Variants in SRPX2 observed in about 807,000 individuals in gnomAD.
SRPX2 encodes sushi repeat containing protein X-linked 2, also known as sushi repeat-containing protein SRPX2.
A neutral mutation model predicts 45.3 loss-of-function variants in SRPX2; 26 were observed. The observed-to-expected ratio is 0.57, with a 90% CI of 0.42 to 0.80. The LOEUF is 0.80. SRPX2 is among the 30% of genes least tolerant of loss of function. The pLI, the probability that SRPX2 is intolerant of heterozygous loss-of-function variation, is 0.00. For synonymous variants in SRPX2, 125 were observed against 143.7 expected (o/e 0.87, Z 0.93); for missense variants, 355 against 399.8 (o/e 0.89, Z 0.95).
At chrX:100,669,399 G>A in intron 10 of SRPX2, 30 bp downstream of exon 10, 2 of 1,004,263 alleles carry the variant, frequency 2.0e-6, no homozygotes, top group African/African-American at 3.8e-5. Context: ...CAAACTTGGG[G>A]GGAGGGGGGG....
At chrX:100,667,013 C>A in intron 8 of SRPX2, 80 bp downstream of exon 8, 2 of 1,125,527 alleles carry the variant, frequency 1.8e-6, no homozygotes, top group Non-Finnish European at 2.4e-6. Context: ...GACAGGGGTC[C>A]AATAACAATG....
chrX:100,653,338 A>G lies in SRPX2; in HGVS notation c.163+2473A>G, dbSNP rs189179172. On this transcript the variant is annotated intron_variant, in intron 3 of 10. Coordinates refer to ENST00000373004, the MANE Select transcript of SRPX2 (RefSeq NM_014467.3). ...GTTACTCGGACTTCAAAATACCTCA[A>G]TGTCACCTCTAATAGGTCCTGTCAC... is the stretch of plus-strand genomic sequence containing the variant. Among the ~76,000 whole-genome samples the G allele has an allele frequency of 4.6e-3, 510 of 111,113 alleles. 2 individuals carry two copies. The highest frequency in any genetic ancestry group is 0.016 in the African/African-American group (486 of 30,529).
At chrX:100,654,522 C>G (rs2083162779) in intron 3 of SRPX2, among the ~76,000 whole-genome samples, 1 of 111,758 alleles carries the variant, frequency 8.9e-6, no homozygotes, top group Non-Finnish European at 1.9e-5. Flanking sequence ...AAAGATGGGA[C>G]ACTGGCTCAG....
chrX:100,669,478 T>C (rs1018408139), intron 10 of SRPX2, 109 bp downstream of exon 10: 40 of 742,521 alleles, frequency 5.4e-5, no homozygotes, highest in Non-Finnish European at 7.8e-5. Flanking sequence ...CATCAGACAC[T>C]ACTCTCTTGC....
chrX:100,665,010 C>G, intron 5 of SRPX2, 60 bp downstream of exon 5: 1 of 1,168,401 alleles, frequency 8.6e-7, no homozygotes, highest in Non-Finnish European at 1.2e-6. Context: ...ATTATATCGA[C>G]AAAAGATGTG....
intron 3 of SRPX2, chrX:100,660,937 G>A (rs555711908): frequency 7.1e-5 from 8 of 112,512 alleles, no homozygotes; most frequent in South Asian, 3.7e-4. Context: ...TTTAACTCTC[G>A]TGTACAGGAT....
At chrX:100,670,270 G>A in intron 10 of SRPX2, among the ~76,000 whole-genome samples, 1 of 111,666 alleles carries the variant, frequency 9.0e-6, no homozygotes, top group South Asian at 3.9e-4. Flanking sequence ...CTAAATGATA[G>A]AGAAACTATA....
chrX:100,669,300 G>T lies in SRPX2; in HGVS notation c.1148G>T (p.Gly383Val). 1 of 1,201,044 alleles carries T rather than the reference G, an allele frequency of 8.3e-7. No individual in the cohort carries two copies. The highest frequency in any genetic ancestry group is 1.8e-5 in the South Asian group (1 of 56,642). The change falls in exon 10 of 11, where the codon GGA (glycine) becomes GTA (valine). Residue 383 changes from glycine to valine, a missense_variant. Transcript: ENST00000373004. ...CATGTGACCATCATTGAACTGGTGGGACAGCCACCTCAGGAGGTGGGGCGC... is the reference window on the plus strand; with the variant it reads ...CATGTGACCATCATTGAACTGGTGGTACAGCCACCTCAGGAGGTGGGGCGC... ...LRHVTIIELV[G>V]QPPQEVGRIR...
intron 3 of SRPX2, among the ~76,000 whole-genome samples, chrX:100,655,361 C>G (rs1347103665): frequency 9.5e-6 from 1 of 104,843 alleles, no homozygotes; most frequent in Non-Finnish European, 1.9e-5. Flanking sequence ...TTTATAGGCA[C>G]AAAGAAACTA....
At chrX:100,656,820 T>C (rs1022079720) in intron 3 of SRPX2, among the ~76,000 whole-genome samples, 10 of 111,919 alleles carry the variant, frequency 8.9e-5, no homozygotes, top group Admixed American at 1.9e-4. Flanking sequence ...TCTTTTCCTT[T>C]AAATAGGTAC....
At chrX:100,660,166 A>G (rs910140539) in intron 3 of SRPX2, among the ~76,000 whole-genome samples, 3 of 111,661 alleles carry the variant, frequency 2.7e-5, no homozygotes, top group African/African-American at 9.8e-5. Flanking sequence ...TTAAACATAC[A>G]TACAGAAAAA....
intron 3 of SRPX2, among the ~76,000 whole-genome samples, chrX:100,659,225 C>T (rs1163401690): frequency 1.8e-5 from 2 of 112,076 alleles, no homozygotes; most frequent in Non-Finnish European, 3.8e-5. Context: ...GTCAGTGTCA[C>T]TAGGCTATAG....
At chrX:100,657,076 C>T (rs891956722) in intron 3 of SRPX2, among the ~76,000 whole-genome samples, 3 of 109,542 alleles carry the variant, frequency 2.7e-5, no homozygotes, top group African/African-American at 9.9e-5. Context: ...TACAGGCACC[C>T]GCCACCACGC....
Position 100,650,770 on chromosome X carries a change from T to C in SRPX2, c.83-15T>C. The C allele has an allele frequency of 8.3e-7, 1 of 1,199,280 alleles. No individual in the cohort carries two copies. Among genetic ancestry groups the C allele is most frequent in the Non-Finnish European group, 1.1e-6 (1 of 884,379 alleles). ...AAATCAAGACACCATTTTGATATTGTCTTCCTTATTCTAGGTTCTGGCTAC... is the reference window on the plus strand; with the variant it reads ...AAATCAAGACACCATTTTGATATTGCCTTCCTTATTCTAGGTTCTGGCTAC... On this transcript the variant is annotated splice_polypyrimidine_tract_variant and intron_variant, in intron 2 of 10. Coordinates refer to ENST00000373004, the MANE Select transcript of SRPX2 (RefSeq NM_014467.3).
At chrX:100,652,573 G>C (rs2083156891) in intron 3 of SRPX2, among the ~76,000 whole-genome samples, 1 of 111,105 alleles carries the variant, frequency 9.0e-6, no homozygotes, top group Admixed American at 9.6e-5. Context: ...CATGTAGGAA[G>C]ATATCTGGGC....
chrX:100,667,293 C>T lies in SRPX2; in HGVS notation c.981C>T (p.Asn327=), dbSNP rs370033099. ...PICAPMKINV[N]VNSAAGLLDQ... ...CCCTAGCTATGAAGATTAACGTCAACGTCAACTCAGCTGCTGGTCTCTTGG... is the reference window on the plus strand; with the variant it reads ...CCCTAGCTATGAAGATTAACGTCAATGTCAACTCAGCTGCTGGTCTCTTGG... The change falls in exon 9 of 11, where the codon AAC becomes AAT. Residue 327 remains asparagine, a synonymous_variant. Coordinates refer to ENST00000373004, the MANE Select transcript of SRPX2 (RefSeq NM_014467.3). 5.0e-6 allele frequency: 6 copies of T among 1,209,960 alleles called. No homozygotes were observed. Among genetic ancestry groups the T allele is most frequent in the Admixed American group, 4.4e-5 (2 of 45,762 alleles).
At chrX:100,655,207 G>T (rs2083164826) in intron 3 of SRPX2, among the ~76,000 whole-genome samples, 1 of 111,798 alleles carries the variant, frequency 8.9e-6, no homozygotes, top group Admixed American at 9.5e-5. Context: ...TAAATAAATT[G>T]CACACTTGCT....
intron 7 of SRPX2, 151 bp from the exon 8 acceptor site, chrX:100,666,603 C>T (rs977697676): frequency 3.0e-6 from 2 of 668,624 alleles, no homozygotes; most frequent in East Asian, 3.5e-5. Flanking sequence ...AGGAAAATTC[C>T]AGCTCTATCC....
chrX:100,647,501 A>G (rs1233020681), intron 2 of SRPX2, among the ~76,000 whole-genome samples: 2 of 112,204 alleles, frequency 1.8e-5, no homozygotes, highest in Non-Finnish European at 3.8e-5. Flanking sequence ...AATTCAAGTC[A>G]AGCCCTTGGC....
Sources: gnomAD v4.1 joint callset for allele counts (sites outside exome capture counted in the v4.1 genomes callset) on GRCh38, gnomAD v4.1.1 for gene constraint, MANE v1.5 for transcripts, NCBI Gene and HGNC (gene_info 2026-07-23, HGNC 2026-07-21) for gene names.